The following SCUBE3 variants were observed in gnomAD, a reference collection of about 807,000 sequenced individuals.
SCUBE3 encodes signal peptide, CUB and EGF-like domain-containing protein 3.
A neutral mutation model predicts 116.8 loss-of-function variants in SCUBE3; 33 were observed. The ratio of observed to expected loss-of-function variants is 0.28; its 90% CI spans 0.21 to 0.38. The LOEUF (loss-of-function observed/expected upper bound fraction) is 0.38. Ranked by LOEUF, SCUBE3 falls within the 10% of genes least tolerant of loss-of-function variation. The pLI is 1.00. For synonymous variants in SCUBE3, 418 were observed against 496.9 expected, an observed-to-expected ratio of 0.84 and a Z score of 2.11; for missense variants, 1,007 against 1,324.8, an observed-to-expected ratio of 0.76 and a Z score of 3.72.
chr6:35,233,005 G>A lies in SCUBE3; in HGVS notation c.595+30G>A. Reference sequence around the variant, plus strand: ...GATAATTGGGATGGCAGGTGGGGCAGTGGGGTCGGGGGTGAAAACATAGAG... The same window carrying A: ...GATAATTGGGATGGCAGGTGGGGCAATGGGGTCGGGGGTGAAAACATAGAG... On this transcript the variant is annotated intron_variant, in intron 5 of 21. Transcript: ENST00000274938. This position sits in a 1 kb window ranked among gnomAD's most constrained non-coding sequence, Gnocchi z 5.7. The A allele has an allele frequency of 1.2e-6, 2 of 1,612,706 alleles. No individual in the cohort carries two copies. The highest frequency in any genetic ancestry group is 1.1e-5 in the South Asian group (1 of 90,986).
intron 6 of SCUBE3, among the ~76,000 whole-genome samples, chr6:35,234,596 G>T (rs1403143757): frequency 6.6e-6 from 1 of 152,100 alleles, no homozygotes; most frequent in Non-Finnish European, 1.5e-5. Flanking sequence ...GTGTGTTTCA[G>T]CTCCTTTCAT....
intron 1 of SCUBE3, among the ~76,000 whole-genome samples, chr6:35,218,417 G>A (rs990691211): frequency 6.6e-6 from 1 of 152,214 alleles, no homozygotes; most frequent in African/African-American, 2.4e-5. Context: ...CTTTTGAGAA[G>A]ATGGAGCTGG....
At chr6:35,248,275 A>C (rs1287894326) in intron 21 of SCUBE3, among the ~76,000 whole-genome samples, 1 of 152,172 alleles carries the variant, frequency 6.6e-6, no homozygotes, top group African/African-American at 2.4e-5. Flanking sequence ...CATATTTTGA[A>C]GGTAGAGTCA....
Position 35,214,431 on chromosome 6 carries a change from C to A in SCUBE3, c.13C>A (p.Arg5Ser), listed in dbSNP as rs757138761. The change falls in exon 1 of 22, where the codon CGC (arginine) becomes AGC (serine). Residue 5 changes from arginine (R) to serine (S), a missense_variant. Around this residue, in one of 5 missense-constraint regions of SCUBE3, gnomAD observed 94 missense variants for 92.0 expected, o/e 1.02. Transcript: ENST00000274938. This position sits in a 1 kb window ranked among gnomAD's most constrained non-coding sequence, Gnocchi z 6.3. MGSGRVPGLCLLVLL... is the reference protein window; with the variant it reads MGSGSVPGLCLLVLL... ...AGTAGCTCCAGCCATGGGCTCGGGG[C>A]GCGTACCCGGGCTCTGCCTGCTTGT... 6.8e-7 allele frequency: 1 copy of A among 1,473,418 alleles called. No individual in the cohort carries two copies. The highest frequency in any genetic ancestry group is 2.3e-5 in the Admixed American group (1 of 42,582). The allele number at this position is 1,473,418 out of a possible 1,614,324, so 91.3% of individuals were successfully genotyped here. A position where few individuals can be genotyped will look rare whatever the true frequency, so the allele number is the denominator to read the frequency against.
At position 35,243,687 on chromosome 6, in the gene SCUBE3, C is replaced by T. The variant is rs762718505; in HGVS notation, c.2003C>T (p.Ser668Phe). Residue 668 changes from serine to phenylalanine, a missense_variant, in exon 16 of 22, where the codon TCC (serine) becomes TTC (phenylalanine). Physicochemically the swap from Ser to Phe is radical, Grantham distance 155. Transcript: ENST00000274938. This position sits in a 1 kb window ranked among gnomAD's most constrained non-coding sequence, Gnocchi z 6.6. ...TTCCAGGAGAGAGAAGGGCAGCTCTCCTGCGACCTTTGCCCTGGGAGTGAT... is the reference window on the plus strand; with the variant it reads ...TTCCAGGAGAGAGAAGGGCAGCTCTTCTGCGACCTTTGCCCTGGGAGTGAT... Reference protein sequence around the residue: ...GTFQEREGQLSCDLCPGSDAH... With the variant: ...GTFQEREGQLFCDLCPGSDAH... 6.2e-7 allele frequency: 1 copy of T among 1,614,142 alleles called. No homozygotes were observed. The highest frequency in any genetic ancestry group is 8.5e-7 in the Non-Finnish European group (1 of 1,180,008).
At position 35,239,919 on chromosome 6, in the gene SCUBE3, G is replaced by T; in HGVS notation, c.952+45G>T. The T allele has an allele frequency of 6.5e-7, 1 of 1,531,250 alleles. No individual in the cohort carries two copies. Among genetic ancestry groups the T allele is most frequent in the Non-Finnish European group, 8.7e-7 (1 of 1,143,918 alleles). 94.9% of individuals were successfully genotyped at this position (1,531,250 alleles called of 1,614,324 possible). A position where few individuals can be genotyped will look rare whatever the true frequency, so the allele number is the denominator to read the frequency against. On this transcript the variant is annotated intron_variant, in intron 8 of 21. Coordinates refer to ENST00000274938, the MANE Select transcript of SCUBE3 (RefSeq NM_152753.4). The surrounding 1 kb of genome is among the most constrained non-coding windows in gnomAD (Gnocchi z 4.1). The stretch of plus-strand genomic sequence containing the variant: ...GGTGAAAGCCTTAGGAGAGGTTCTT[G>T]TGGGAGAGCTTCAAGGAGGCCAGAG...
rs902480759 is a variant in SCUBE3 at position 35,240,627 on chromosome 6, A to T, written c.1069+137A>T. Reference sequence around the variant, plus strand: ...CACCATGTCTGCATCCGCTGTGACAAAATAGGAGGAATTAAGACAGCTTTT... The same window carrying T: ...CACCATGTCTGCATCCGCTGTGACATAATAGGAGGAATTAAGACAGCTTTT... On this transcript the variant is annotated intron_variant, in intron 9 of 21. Coordinates refer to ENST00000274938, the MANE Select transcript of SCUBE3 (RefSeq NM_152753.4). The surrounding 1 kb of genome is among the most constrained non-coding windows in gnomAD (Gnocchi z 4.6). 2 of 536,930 alleles carry T rather than the reference A, an allele frequency of 3.7e-6. No homozygotes were observed. Among genetic ancestry groups the T allele is most frequent in the African/African-American group, 3.9e-5 (2 of 51,702 alleles). 33.3% of individuals were successfully genotyped at this position (536,930 alleles called of 1,614,324 possible).
Position 35,240,678 on chromosome 6 carries a change from G to A in SCUBE3, c.1069+188G>A, listed in dbSNP as rs183756274. ...GAAGAACTGGGAGACTGCGGAAACA[G>A]CATCCTGCCTCCAAAATTCCTATCT... On this transcript the variant is annotated intron_variant, in intron 9 of 21. Transcript: ENST00000274938. This position sits in a 1 kb window ranked among gnomAD's most constrained non-coding sequence, Gnocchi z 4.6. Among the ~76,000 whole-genome samples the A allele has an allele frequency of 5.1e-4, 77 of 152,334 alleles. No homozygotes were observed. Among genetic ancestry groups the A allele is most frequent in the African/African-American group, 1.8e-3 (75 of 41,572 alleles).
chr6:35,242,140 C>G (rs1784094378), intron 12 of SCUBE3, 64 bp from the exon 13 acceptor site: 5 of 1,217,102 alleles, frequency 4.1e-6, no homozygotes, highest in South Asian at 1.2e-5. Context: ...TCTCAACAAC[C>G]CCTACGGCAC....
chr6:35,227,795 G>A (rs1783387940), intron 2 of SCUBE3, 93 bp downstream of exon 2: 3 of 1,353,888 alleles, frequency 2.2e-6, no homozygotes, highest in Non-Finnish European at 3.1e-6. Context: ...ATCACATCAA[G>A]GCTAGAAATT....
Position 35,245,254 on chromosome 6 carries a change from G to A in SCUBE3, c.2428G>A (p.Glu810Lys), listed in dbSNP as rs1397407613. 4 of 1,614,172 alleles carry A rather than the reference G, an allele frequency of 2.5e-6. No individual in the cohort carries two copies. Among genetic ancestry groups the A allele is most frequent in the Non-Finnish European group, 3.4e-6 (4 of 1,180,032 alleles). ...TCGTCAGTGTGGTGGGGAGCTGGGT[G>A]AGTTCACTGGCTATATTGAGTCCCC... ...KNRQCGGELG[E>K]FTGYIESPNY... The change falls in exon 19 of 22, where the codon GAG (glutamate) becomes AAG (lysine). Residue 810 changes from glutamate to lysine, a missense_variant. Physicochemically the swap from Glu to Lys is moderately conservative, Grantham distance 56 (BLOSUM62 1). Transcript: ENST00000274938. This position sits in a 1 kb window ranked among gnomAD's most constrained non-coding sequence, Gnocchi z 4.2.
chr6:35,237,920 A>G lies in SCUBE3; in HGVS notation c.731A>G (p.Asn244Ser). The G allele has an allele frequency of 1.2e-6, 2 of 1,610,862 alleles. No homozygotes were observed. Among genetic ancestry groups the G allele is most frequent in the Admixed American group, 1.7e-5 (1 of 60,004 alleles). Residue 244 changes from asparagine (N) to serine (S), a missense_variant, in exon 7 of 22, where the codon AAC becomes AGC. By Grantham distance (46) the Asn-to-Ser change is conservative (BLOSUM62 1). Around this residue, in one of 5 missense-constraint regions of SCUBE3, gnomAD observed 214 missense variants for 316.7 expected, o/e 0.68. Coordinates refer to ENST00000274938, the MANE Select transcript of SCUBE3 (RefSeq NM_152753.4). The stretch of plus-strand genomic sequence containing the variant: ...TAAACAGAGACCTGTGCTGTCAACA[A>G]CGGGGGCTGTGACAGTAAGTGCCAT... The part of the protein sequence containing the change: ...KTCIETCAVN[N>S]GGCDSKCHDA...
chr6:35,231,860 G>C lies in SCUBE3; in HGVS notation c.469+1G>C. 1.2e-6 allele frequency: 2 copies of C among 1,608,586 alleles called. No homozygotes were observed. Among genetic ancestry groups the C allele is most frequent in the Non-Finnish European group, 1.7e-6 (2 of 1,175,956 alleles). On this transcript the variant is annotated splice_donor_variant, in intron 4 of 21. Transcript: ENST00000274938. LOFTEE classifies it high-confidence loss of function. This position sits in a 1 kb window ranked among gnomAD's most constrained non-coding sequence, Gnocchi z 4.2. ...CATACCTGTATCCAGCGGCCAGAAG[G>C]TCAGCCCATGACCTGGGATGGCCCC... is the stretch of plus-strand genomic sequence containing the variant.
chr6:35,226,055 G>A lies in SCUBE3; in HGVS notation c.86-1525G>A, dbSNP rs140111752. On this transcript the variant is annotated intron_variant, in intron 1 of 21. Transcript: ENST00000274938. ...TTTTGGGTTTCCCAGTTTCCAGCTG[G>A]AAGTAATCTCTTTCTCCTCTGATCT... 4.6e-3 allele frequency among the ~76,000 whole-genome samples: 700 copies of A among 152,324 alleles called. 4 individuals are homozygous for A. The highest frequency in any genetic ancestry group is 7.6e-3 in the Non-Finnish European group (517 of 68,034).
Position 35,214,590 on chromosome 6 carries a change from T to C in SCUBE3, c.85+87T>C. On this transcript the variant is annotated intron_variant, in intron 1 of 21. Coordinates refer to ENST00000274938, the MANE Select transcript of SCUBE3 (RefSeq NM_152753.4). The surrounding 1 kb of genome is among the most constrained non-coding windows in gnomAD (Gnocchi z 6.3). Reference sequence around the variant, plus strand: ...AGCGATTCCCGAGGGGCAGGGCAGGTGCTGGGGAGCGTGCTGCTGTCAGAA... The same window carrying C: ...AGCGATTCCCGAGGGGCAGGGCAGGCGCTGGGGAGCGTGCTGCTGTCAGAA... The C allele has an allele frequency of 1.2e-6, 1 of 821,798 alleles. No individual in the cohort carries two copies. The highest frequency in any genetic ancestry group is 3.0e-5 in the South Asian group (1 of 33,130). The allele number at this position is 821,798 out of a possible 1,614,324, so 50.9% of individuals were successfully genotyped here. A position where few individuals can be genotyped will look rare whatever the true frequency, so the allele number is the denominator to read the frequency against.
rs756216654 is a variant in SCUBE3 at position 35,228,644 on chromosome 6, C to G, written c.239C>G (p.Ala80Gly). The change falls in exon 3 of 22, where the codon GCA becomes GGA. Residue 80 changes from alanine to glycine, a missense_variant. Physicochemically the swap from Ala to Gly is moderately conservative, Grantham distance 60 (BLOSUM62 0). Transcript: ENST00000274938. This position sits in a 1 kb window ranked among gnomAD's most constrained non-coding sequence, Gnocchi z 4.9. ...DVDECEREDN[A>G]GCVHDCVNIP... ...GATGAGTGCGAGCGAGAGGATAATGCAGGTTGTGTGCATGACTGTGTCAAC... is the reference window on the plus strand; with the variant it reads ...GATGAGTGCGAGCGAGAGGATAATGGAGGTTGTGTGCATGACTGTGTCAAC... 13 of 1,613,904 alleles carry G rather than the reference C, an allele frequency of 8.1e-6. No homozygotes were observed. The Admixed American group carries it at 8.3e-5, about 10-fold the overall frequency.
rs536220530 is a variant in SCUBE3 at position 35,252,606 on chromosome 6, T to C, written c.*3901T>C. On this transcript the variant is annotated 3_prime_UTR_variant, in exon 22 of 22. Transcript: ENST00000274938. ...AATGTTAACCCTCCAGGTTTCTTTC[T>C]TAAGCACAATAAAAGTGGGAGCGAA... The C allele has an allele frequency of 6.6e-6, 1 of 152,250 alleles. No individual in the cohort carries two copies. Among genetic ancestry groups the C allele is most frequent in the Non-Finnish European group, 1.5e-5 (1 of 68,042 alleles). The allele number at this position is 152,250 out of a possible 1,614,324, so 9.4% of individuals were successfully genotyped here. A position where few individuals can be genotyped will look rare whatever the true frequency, so the allele number is the denominator to read the frequency against.
Position 35,231,370 on chromosome 6 carries a change from A to G in SCUBE3, c.335-355A>G, listed in dbSNP as rs1239452849. On this transcript the variant is annotated intron_variant, in intron 3 of 21. Coordinates refer to ENST00000274938, the MANE Select transcript of SCUBE3 (RefSeq NM_152753.4). This position sits in a 1 kb window ranked among gnomAD's most constrained non-coding sequence, Gnocchi z 4.2. The stretch of plus-strand genomic sequence containing the variant: ...AGTTACCTATCCGACCAATGTGACC[A>G]ATCTCCATCCTTACCTTCATCACTG... 6.6e-6 allele frequency among the ~76,000 whole-genome samples: 1 copy of G among 152,122 alleles called. No individual in the cohort carries two copies. Among genetic ancestry groups the G allele is most frequent in the Non-Finnish European group, 1.5e-5 (1 of 68,018 alleles).
Position 35,243,103 on chromosome 6 carries a change from C to A in SCUBE3, c.1776C>A (p.Asn592Lys). 6.2e-7 allele frequency: 1 copy of A among 1,614,180 alleles called. No individual in the cohort carries two copies. Among genetic ancestry groups the A allele is most frequent in the East Asian group, 2.2e-5 (1 of 44,874 alleles). ...GSLKMLRKSI[N>K]QDRFLLRLAG... ...TGAAGATGCTCAGAAAGTCCATCAA[C>A]CAGGACCGCTTCCTGCTGCGCCTGG... Residue 592 changes from asparagine (N) to lysine (K), a missense_variant, in exon 15 of 22, where the codon AAC (asparagine) becomes AAA (lysine). By Grantham distance (94) the Asn-to-Lys change is moderately conservative. Coordinates refer to ENST00000274938, the MANE Select transcript of SCUBE3 (RefSeq NM_152753.4). The surrounding 1 kb of genome is among the most constrained non-coding windows in gnomAD (Gnocchi z 6.6).
Sources: allele counts gnomAD v4.1 joint callset (sites outside exome capture counted in the v4.1 genomes callset), GRCh38; gene constraint gnomAD v4.1.1; regional missense constraint gnomAD v4.1.1; non-coding constraint Gnocchi (gnomAD v3.1); transcripts MANE v1.5; gene names NCBI Gene and HGNC (gene_info 2026-07-23, HGNC 2026-07-21).